CCN3: variants seen among roughly 807,000 people sequenced by gnomAD.
The protein encoded by CCN3 is CCN family member 3.
In CCN3, 20 loss-of-function variants were observed where a neutral mutation model predicts 33.4. That is an observed-to-expected ratio of 0.60 (90% CI 0.42 to 0.87). The LOEUF (loss-of-function observed/expected upper bound fraction) is 0.87, where lower values mean the gene tolerates loss of function less well. CCN3 is among the 40% of genes least tolerant of loss of function. CCN3 has a pLI of 0.00. For synonymous variants in CCN3, 205 were observed against 170.4 expected, an observed-to-expected ratio of 1.20 and a Z score of -1.58; for missense variants, 465 against 455.3, an observed-to-expected ratio of 1.02 and a Z score of -0.19.
rs1194944236 is a variant in CCN3, at chr8:119,424,187, C to T, written c.*1055C>T. ...ACATACATGTATCTGGTTTGTCAGG[C>T]TACAAGGTAGGCTGCAAAATTAAAT... On this transcript the variant is annotated 3_prime_UTR_variant, in exon 5 of 5. Coordinates refer to ENST00000259526, the MANE Select transcript of CCN3 (RefSeq NM_002514.4). The T allele has an allele frequency of 1.3e-5, 2 of 152,170 alleles. No homozygotes were observed. The highest frequency in any genetic ancestry group is 2.9e-5 in the Non-Finnish European group (2 of 68,026). 9.4% of individuals were successfully genotyped at this position (152,170 alleles called of 1,614,324 possible). A position where few individuals can be genotyped will look rare whatever the true frequency, so the allele number is the denominator to read the frequency against.
At chr8:119,422,247 C>T (rs1820135329) in intron 4 of CCN3, among the ~76,000 whole-genome samples, 1 of 152,128 alleles carries the variant, frequency 6.6e-6, no homozygotes, top group Admixed American at 6.5e-5. Context: ...ACCATCAGAT[C>T]TTGTGAGAAC....
intron 4 of CCN3, among the ~76,000 whole-genome samples, chr8:119,422,152 GAGAC>G (rs1440709108): frequency 6.7e-6 from 1 of 148,822 alleles, no homozygotes; most frequent in Admixed American, 6.7e-5. Flanking sequence ...AGGACAGAGA[GAGAC>G]AGAGAGAGAG....
chr8:119,420,118 A>G (rs1820103577), intron 4 of CCN3: 2 of 152,290 alleles, frequency 1.3e-5, no homozygotes, highest in East Asian at 3.9e-4. Context: ...CTAAAATAAA[A>G]CAGCCCTTAG....
chr8:119,420,610 T>A (rs1311507850), intron 4 of CCN3, among the ~76,000 whole-genome samples: 1 of 152,156 alleles, frequency 6.6e-6, no homozygotes, highest in Non-Finnish European at 1.5e-5. Context: ...AACATATATC[T>A]AACATAGTCA....
chr8:119,419,964 A>C (rs1820101986), intron 4 of CCN3: 1 of 152,682 alleles, frequency 6.5e-6, no homozygotes, highest in South Asian at 2.1e-4. Flanking sequence ...TCAACTCAGT[A>C]TGTTAACACT....
intron 4 of CCN3, chr8:119,419,936 T>A (rs192282618): frequency 6.5e-6 from 1 of 152,934 alleles, no homozygotes; most frequent in Non-Finnish European, 1.5e-5. Context: ...TTTTTATTTT[T>A]TTTTTGTTGG....
chr8:119,416,659 G>A (rs776698704), intron 1 of CCN3, 43 bp downstream of exon 1: 4 of 1,597,426 alleles, frequency 2.5e-6, no homozygotes, highest in East Asian at 4.5e-5. Context: ...TACTTTGCCC[G>A]CCTTGGTGGC....
Position 119,416,916 on chromosome 8 carries a change from G to T in CCN3, c.257G>T (p.Gly86Val). 2 of 1,614,036 alleles carry T rather than the reference G, an allele frequency of 1.2e-6. No homozygotes were observed. Among genetic ancestry groups the T allele is most frequent in the Non-Finnish European group, 1.7e-6 (2 of 1,180,018 alleles). The stretch of plus-strand genomic sequence containing the variant: ...CTGGAGCCATGCGACGAGAGCAGTG[G>T]CCTCTACTGTGATCGCAGCGCGGAC... Reference protein sequence around the residue: ...SDLEPCDESSGLYCDRSADPS... With the variant: ...SDLEPCDESSVLYCDRSADPS... The change falls in exon 2 of 5, where the codon GGC becomes GTC. Residue 86 changes from glycine to valine, a missense_variant. By Grantham distance (109) the Gly-to-Val change is moderately radical. Transcript: ENST00000259526.
rs1179871613 is a variant in CCN3 at position 119,419,328 on chromosome 8, G to C, written c.760G>C (p.Glu254Gln). ...GGTGCGGCCCTGTGAACAAGAGCCAGAGCAGCCAACAGATAAGGTAGGAGC... is the reference window on the plus strand; with the variant it reads ...GGTGCGGCCCTGTGAACAAGAGCCACAGCAGCCAACAGATAAGGTAGGAGC... The part of the protein sequence containing the change: ...CMVRPCEQEP[E>Q]QPTDKKGKKC... Residue 254 changes from glutamate to glutamine, a missense_variant, in exon 4 of 5, where the codon GAG becomes CAG. Coordinates refer to ENST00000259526, the MANE Select transcript of CCN3 (RefSeq NM_002514.4). 1.2e-6 allele frequency: 2 copies of C among 1,613,804 alleles called. No homozygotes were observed. Among genetic ancestry groups the C allele is most frequent in the Non-Finnish European group, 8.5e-7 (1 of 1,180,028 alleles).
Position 119,416,939 on chromosome 8 carries a change from G to C in CCN3, c.280G>C (p.Asp94His). ...TGGCCTCTACTGTGATCGCAGCGCG[G>C]ACCCCAGCAACCAGACTGGCATCTG... is the stretch of plus-strand genomic sequence containing the variant. ...SSGLYCDRSA[D>H]PSNQTGICTA... The change falls in exon 2 of 5, where the codon GAC becomes CAC. Residue 94 changes from aspartate to histidine, a missense_variant. Asp to His is a moderately conservative substitution (Grantham distance 81, BLOSUM62 -1). Transcript: ENST00000259526. 6.2e-7 allele frequency: 1 copy of C among 1,613,508 alleles called. No homozygotes were observed. Among genetic ancestry groups the C allele is most frequent in the Non-Finnish European group, 8.5e-7 (1 of 1,179,636 alleles).
At chr8:119,421,180 T>C (rs1158035232) in intron 4 of CCN3, among the ~76,000 whole-genome samples, 1 of 151,980 alleles carries the variant, frequency 6.6e-6, no homozygotes, top group Admixed American at 6.6e-5. Context: ...CACCATTTTT[T>C]TGTATTTTTT....
Position 119,423,107 on chromosome 8 carries a change from T to C in CCN3, c.1049T>C (p.Leu350Pro). The C allele has an allele frequency of 6.2e-7, 1 of 1,613,986 alleles. No homozygotes were observed. The highest frequency in any genetic ancestry group is 8.5e-7 in the Non-Finnish European group (1 of 1,179,886). ...GAGGCCTTCCTCCAGGAGCTGGAGC[T>C]GAAGACTACCAGAGGGAAAATGTAA... The part of the protein sequence containing the change: ...NNEAFLQELE[L>P]KTTRGKM Residue 350 changes from leucine (L) to proline (P), a missense_variant, in exon 5 of 5, where the codon CTG becomes CCG. Transcript: ENST00000259526.
rs1039512178 is a variant in CCN3, at chr8:119,424,396, G to A, written c.*1264G>A. On this transcript the variant is annotated 3_prime_UTR_variant, in exon 5 of 5. Transcript: ENST00000259526. Reference sequence around the variant, plus strand: ...CTTTGGTGCATAAAAGTTGAACATTGTTGTTTACTGAAAATAAAATTAAAA... The same window carrying A: ...CTTTGGTGCATAAAAGTTGAACATTATTGTTTACTGAAAATAAAATTAAAA... The A allele has an allele frequency of 2.0e-5, 3 of 152,104 alleles. No individual in the cohort carries two copies. The highest frequency in any genetic ancestry group is 7.2e-5 in the African/African-American group (3 of 41,410). The allele number at this position is 152,104 out of a possible 1,614,324, so 9.4% of individuals were successfully genotyped here. A position where few individuals can be genotyped will look rare whatever the true frequency, so the allele number is the denominator to read the frequency against.
At chr8:119,422,742 T>G (rs1563617712) in intron 4 of CCN3, 94 bp from the exon 5 acceptor site, 2 of 973,992 alleles carry the variant, frequency 2.1e-6, no homozygotes, top group Non-Finnish European at 3.1e-6. Context: ...CCAATAGATA[T>G]TGGGTGGGCA....
At position 119,418,395 on chromosome 8, in the gene CCN3, A is replaced by G. The variant is rs1820082181; in HGVS notation, c.562+86A>G. 9 of 1,520,506 alleles carry G rather than the reference A, an allele frequency of 5.9e-6. No individual in the cohort carries two copies. The South Asian group carries it at 9.1e-5, about 15-fold the overall frequency. The allele number at this position is 1,520,506 out of a possible 1,614,324, so 94.2% of individuals were successfully genotyped here. A position where few individuals can be genotyped will look rare whatever the true frequency, so the allele number is the denominator to read the frequency against. The stretch of plus-strand genomic sequence containing the variant: ...TTTGCAATCTCTTGGATTTGAAAAG[A>G]GAAACTGGCCTCAGTTTCTGGTCAT... On this transcript the variant is annotated intron_variant, in intron 3 of 4. Coordinates refer to ENST00000259526, the MANE Select transcript of CCN3 (RefSeq NM_002514.4).
rs1016218954 is a variant in CCN3, at chr8:119,422,141, C to A, written c.778-695C>A. Among the ~76,000 whole-genome samples, 4 of 151,366 alleles carry A rather than the reference C, an allele frequency of 2.6e-5. No homozygotes were observed. In the East Asian group the frequency reaches 7.8e-4, roughly 29 times the overall value. ...AAACAAAACACATCTTACATGGCAG[C>A]AGGACAGAGAGAGACAGAGAGAGAG... On this transcript the variant is annotated intron_variant, in intron 4 of 4. Transcript: ENST00000259526.
intron 4 of CCN3, among the ~76,000 whole-genome samples, chr8:119,420,667 C>T (rs1820110713): frequency 6.6e-6 from 1 of 152,152 alleles, no homozygotes; most frequent in African/African-American, 2.4e-5. Context: ...CACATACACA[C>T]ACATAGGAAT....
At position 119,416,738 on chromosome 8, in the gene CCN3, C is replaced by G; in HGVS notation, c.85-6C>G. Reference sequence around the variant, plus strand: ...AGTGGTTTCTCCTTGTCTCGCCTGCCTTCAGGTCGCTGCGACTCAGCGCTG... The same window carrying G: ...AGTGGTTTCTCCTTGTCTCGCCTGCGTTCAGGTCGCTGCGACTCAGCGCTG... On this transcript the variant is annotated splice_polypyrimidine_tract_variant and splice_region_variant and intron_variant, in intron 1 of 4. Transcript: ENST00000259526. The G allele has an allele frequency of 6.3e-7, 1 of 1,582,096 alleles. No homozygotes were observed. Among genetic ancestry groups the G allele is most frequent in the South Asian group, 1.1e-5 (1 of 87,518 alleles).
chr8:119,419,296 T>C lies in CCN3; in HGVS notation c.728T>C (p.Leu243Pro). ...TGTGAGATGCTGAAACAGACTCGGC[T>C]CTGCATGGTGCGGCCCTGTGAACAA... ...RQCEMLKQTR[L>P]CMVRPCEQEP... Residue 243 changes from leucine to proline, a missense_variant, in exon 4 of 5, where the codon CTC becomes CCC. Transcript: ENST00000259526. 1 of 1,614,152 alleles carries C rather than the reference T, an allele frequency of 6.2e-7. No homozygotes were observed. The highest frequency in any genetic ancestry group is 8.5e-7 in the Non-Finnish European group (1 of 1,180,046).
Sources: allele counts gnomAD v4.1 joint callset (sites outside exome capture counted in the v4.1 genomes callset), GRCh38; gene constraint gnomAD v4.1.1; transcripts MANE v1.5; gene names NCBI Gene and HGNC (gene_info 2026-07-23, HGNC 2026-07-21).